Variants in PFAS observed in about 807,000 individuals in gnomAD.
PFAS encodes FGAM synthase.
In PFAS, 97 loss-of-function variants were observed where a neutral mutation model predicts 140.6. The observed-to-expected ratio is 0.69, with a 90% CI of 0.59 to 0.82. The LOEUF (loss-of-function observed/expected upper bound fraction) is 0.82. Among genes scored for constraint, PFAS ranks in the 40% least tolerant of loss-of-function variants. PFAS has a pLI of 0.00. For missense variants in PFAS, 1,656 were observed against 1,780.2 expected (o/e 0.93, Z 1.26); for synonymous variants, 679 against 718.8 (o/e 0.94, Z 0.88).
chr17:8,267,002 C>T lies in PFAS; in HGVS notation c.2968-26C>T, dbSNP rs138099383. The T allele has an allele frequency of 3.7e-3, 5,908 of 1,611,900 alleles. 14 individuals are homozygous for T. The highest frequency in any genetic ancestry group is 4.7e-3 in the African/African-American group (351 of 74,986). On this transcript the variant is annotated intron_variant, in intron 23 of 27. Coordinates refer to ENST00000314666, the MANE Select transcript of PFAS (RefSeq NM_012393.3). The surrounding 1 kb of genome is among the most constrained non-coding windows in gnomAD (Gnocchi z 4.9). ...GAGGGGGCCATCCTTTCTCCTAGCC[C>T]GTGGGAGATTTGTTCCTCTTCCTAG...
rs1989362007 is a variant in PFAS at position 8,256,290 on chromosome 17, T to G, written c.704T>G (p.Phe235Cys). Residue 235 changes from phenylalanine (F) to cysteine (C), a missense_variant, in exon 7 of 28, where the codon TTC becomes TGC. Transcript: ENST00000314666. ...AGCGAGCACAGCCGACACTGGTTCT[T>G]CAAGGGCCAGCTCCACGTGGATGGG... ...SNSEHSRHWFFKGQLHVDGQK... is the reference protein window; with the variant it reads ...SNSEHSRHWFCKGQLHVDGQK... The G allele has an allele frequency of 1.2e-6, 2 of 1,614,000 alleles. No homozygotes were observed. Among genetic ancestry groups the G allele is most frequent in the Non-Finnish European group, 1.7e-6 (2 of 1,180,000 alleles).
intron 16 of PFAS, 38 bp from the exon 17 acceptor site, chr17:8,264,432 C>T (rs1989726903): frequency 6.2e-7 from 1 of 1,612,714 alleles, no homozygotes; most frequent in Non-Finnish European, 8.5e-7. Context: ...CCAGCCCGCC[C>T]CAGGTGTTCA....
chr17:8,252,254 A>C (rs1388374023), intron 1 of PFAS, among the ~76,000 whole-genome samples: 1 of 151,732 alleles, frequency 6.6e-6, no homozygotes, highest in Non-Finnish European at 1.5e-5. Flanking sequence ...AGATTGTGCC[A>C]CTGCACTCCA....
chr17:8,257,433 A>G lies in PFAS; in HGVS notation c.1076-374A>G, dbSNP rs921512845. On this transcript the variant is annotated intron_variant, in intron 9 of 27. Coordinates refer to ENST00000314666, the MANE Select transcript of PFAS (RefSeq NM_012393.3). Reference sequence around the variant, plus strand: ...TAGCTGGGCGTGGTGGCGGGCGCCTATAGTCCCAGCTACTCAGGAGGCTGA... The same window carrying G: ...TAGCTGGGCGTGGTGGCGGGCGCCTGTAGTCCCAGCTACTCAGGAGGCTGA... Among the ~76,000 whole-genome samples the G allele has an allele frequency of 1.7e-4, 26 of 152,168 alleles. No individual in the cohort carries two copies. The East Asian group carries it at 3.1e-3, about 18-fold the overall frequency.
At chr17:8,263,537 C>T in intron 13 of PFAS, 38 bp from the exon 14 acceptor site, 1 of 1,573,848 alleles carries the variant, frequency 6.4e-7, no homozygotes, top group Non-Finnish European at 8.7e-7. Flanking sequence ...GCCTGACCAC[C>T]ACTAGGTCAC....
rs771422671 is a variant in PFAS, at chr17:8,265,862, G to C, written c.2546G>C (p.Gly849Ala). The part of the protein sequence containing the change: ...TPDLKHPEGR[G>A]HLLYVALSPG... ...CCCTCACCCCTCCCCGTCTCCCCAG[G>C]CCATCTGCTCTATGTGGCTCTGAGC... The change falls in exon 21 of 28, where the codon GGC becomes GCC. Residue 849 changes from glycine (G) to alanine (A), a missense_variant and splice_region_variant. Around this residue, in one of 2 missense-constraint regions of PFAS, gnomAD observed 883 missense variants for 1,023.0 expected, o/e 0.86. Coordinates refer to ENST00000314666, the MANE Select transcript of PFAS (RefSeq NM_012393.3). The C allele has an allele frequency of 5.0e-6, 8 of 1,597,814 alleles. No individual in the cohort carries two copies. Among genetic ancestry groups the C allele is most frequent in the Non-Finnish European group, 6.8e-6 (8 of 1,170,416 alleles).
At chr17:8,261,551 G>A (rs955860708) in intron 11 of PFAS, among the ~76,000 whole-genome samples, 3 of 151,738 alleles carry the variant, frequency 2.0e-5, no homozygotes, top group Non-Finnish European at 2.9e-5. Flanking sequence ...GCATGTTTTC[G>A]TATGCTAGTT....
Position 8,264,603 on chromosome 17 carries a change from TC to T in PFAS, c.2049+4del. ...AGCAAGCGCTACCTCACCAATAAGG[TC>T]CTCCCTGCACCCTTCCTCTGCCCCC... On this transcript the variant is annotated splice_donor_region_variant and intron_variant, in intron 17 of 27. Coordinates refer to ENST00000314666, the MANE Select transcript of PFAS (RefSeq NM_012393.3). The T allele has an allele frequency of 6.2e-7, 1 of 1,610,290 alleles. No homozygotes were observed. The highest frequency in any genetic ancestry group is 2.2e-5 in the East Asian group (1 of 44,818).
chr17:8,267,666 G>A lies in PFAS; in HGVS notation c.3382+1G>A. 1 of 1,546,150 alleles carries A rather than the reference G, an allele frequency of 6.5e-7. No homozygotes were observed. Among genetic ancestry groups the A allele is most frequent in the Non-Finnish European group, 8.9e-7 (1 of 1,119,464 alleles). On this transcript the variant is annotated splice_donor_variant, in intron 26 of 27. Transcript: ENST00000314666. LOFTEE classifies it high-confidence loss of function. The surrounding 1 kb of genome is among the most constrained non-coding windows in gnomAD (Gnocchi z 4.9). ...GCAGATGTCCTGGGCTCTGCCAAAG[G>A]TCAGTGTGCAGGCTTCTGCCCACTC...
Position 8,258,184 on chromosome 17 carries a change from G to A in PFAS, c.1321G>A (p.Glu441Lys), listed in dbSNP as rs1338613308. ...CATGGAAGCTGACCACATAAGCAAGGAGGCCCCAGAGCCAGGTAAGAGCCT... is the reference window on the plus strand; with the variant it reads ...CATGGAAGCTGACCACATAAGCAAGAAGGCCCCAGAGCCAGGTAAGAGCCT... ...GSMEADHISKEAPEPGMEVVK... is the reference protein window; with the variant it reads ...GSMEADHISKKAPEPGMEVVK... Residue 441 changes from glutamate to lysine, a missense_variant, in exon 11 of 28, where the codon GAG (glutamate) becomes AAG (lysine). Coordinates refer to ENST00000314666, the MANE Select transcript of PFAS (RefSeq NM_012393.3). 1 of 1,614,006 alleles carries A rather than the reference G, an allele frequency of 6.2e-7. No homozygotes were observed. The highest frequency in any genetic ancestry group is 8.5e-7 in the Non-Finnish European group (1 of 1,180,030).
intron 11 of PFAS, among the ~76,000 whole-genome samples, chr17:8,260,669 A>G (rs1989556323): frequency 6.6e-6 from 1 of 152,124 alleles, no homozygotes; most frequent in Non-Finnish European, 1.5e-5. Context: ...CTGTCGCCCA[A>G]GCTGGAGCGT....
rs1989680110 is a variant in PFAS at position 8,263,560 on chromosome 17, C to T, written c.1568-15C>T. The T allele has an allele frequency of 3.1e-6, 5 of 1,612,080 alleles. No homozygotes were observed. Among genetic ancestry groups the T allele is most frequent in the Non-Finnish European group, 4.2e-6 (5 of 1,178,166 alleles). On this transcript the variant is annotated splice_polypyrimidine_tract_variant and intron_variant, in intron 13 of 27. Transcript: ENST00000314666. ...ACCACTAGGTCACTGCTTCTCCTTG[C>T]AACCCTCTCACCAGGCAATGTCCTA...
rs1206391865 is a variant in PFAS at position 8,264,195 on chromosome 17, G to T, written c.1792-17G>T. The T allele has an allele frequency of 1.2e-6, 2 of 1,613,566 alleles. No homozygotes were observed. The highest frequency in any genetic ancestry group is 1.7e-6 in the Non-Finnish European group (2 of 1,179,654). Reference sequence around the variant, plus strand: ...CATAGTCTCATCCCCTCTGGGTGGGGTCCCTGTGGTCTATAGATAGTGCTG... The same window carrying T: ...CATAGTCTCATCCCCTCTGGGTGGGTTCCCTGTGGTCTATAGATAGTGCTG... On this transcript the variant is annotated splice_polypyrimidine_tract_variant and intron_variant, in intron 15 of 27. Coordinates refer to ENST00000314666, the MANE Select transcript of PFAS (RefSeq NM_012393.3).
At chr17:8,256,999 C>T (rs761699728) in intron 9 of PFAS, 36 bp downstream of exon 9, 1 of 1,611,848 alleles carries the variant, frequency 6.2e-7, no homozygotes, top group African/African-American at 1.3e-5. Context: ...CCTTCCCTTC[C>T]AGATTCCTTG....
At chr17:8,263,740 G>T (rs1989689855) in intron 14 of PFAS, 35 bp from the exon 15 acceptor site, 1 of 1,609,780 alleles carries the variant, frequency 6.2e-7, no homozygotes, top group Non-Finnish European at 8.5e-7. Flanking sequence ...AGTGCCCACT[G>T]GCCCTTCTCT....
At chr17:8,265,840 T>C in intron 20 of PFAS, 22 bp from the exon 21 acceptor site, 1 of 1,583,432 alleles carries the variant, frequency 6.3e-7, no homozygotes. Flanking sequence ...TCCCCTCCCC[T>C]CACCCCTCCC....
At chr17:8,258,787 C>T (rs1989474301) in intron 11 of PFAS, among the ~76,000 whole-genome samples, 1 of 151,946 alleles carries the variant, frequency 6.6e-6, no homozygotes. Context: ...GAGATCGAGA[C>T]CATCCTGGCT....
At position 8,268,954 on chromosome 17, in the gene PFAS, G is replaced by T; in HGVS notation, c.3707G>T (p.Gly1236Val). ...VLPVWSAHGE[G>V]YVAFSSPELQ... Reference sequence around the variant, plus strand: ...CACTTCCCTCCTCCTTCCATCCCAGGTTACGTAGCATTTTCTTCTCCGGAA... The same window carrying T: ...CACTTCCCTCCTCCTTCCATCCCAGTTTACGTAGCATTTTCTTCTCCGGAA... Residue 1236 changes from glycine (G) to valine (V), a missense_variant and splice_region_variant, in exon 28 of 28, where the codon GGT (glycine) becomes GTT (valine). Gly to Val is a moderately radical substitution (Grantham distance 109). Transcript: ENST00000314666. The T allele has an allele frequency of 6.2e-7, 1 of 1,614,138 alleles. No homozygotes were observed. The highest frequency in any genetic ancestry group is 2.2e-5 in the East Asian group (1 of 44,882).
At chr17:8,258,846 G>T (rs556704487) in intron 11 of PFAS, among the ~76,000 whole-genome samples, 1 of 152,086 alleles carries the variant, frequency 6.6e-6, no homozygotes, top group Non-Finnish European at 1.5e-5. Flanking sequence ...AATTAGCCAG[G>T]TGTGGTGGCG....
Sources: allele counts gnomAD v4.1 joint callset (sites outside exome capture counted in the v4.1 genomes callset), GRCh38; gene constraint gnomAD v4.1.1; regional missense constraint gnomAD v4.1.1; non-coding constraint Gnocchi (gnomAD v3.1); transcripts MANE v1.5; gene names NCBI Gene and HGNC (gene_info 2026-07-23, HGNC 2026-07-21).